Variants in LINGO2 observed in about 807,000 individuals in gnomAD.
LINGO2 encodes the protein leucine-rich repeat and immunoglobulin-like domain-containing nogo receptor-interacting protein 2.
Under a neutral mutation model 30.6 loss-of-function variants are expected in LINGO2, and 14 were observed. The observed-to-expected ratio is 0.46, with a 90% confidence interval of 0.30 to 0.72. The LOEUF is 0.72. Among genes scored for constraint, LINGO2 ranks in the 30% least tolerant of loss-of-function variants. The pLI, the probability that LINGO2 is intolerant of heterozygous loss-of-function variation, is 0.07. For missense variants in LINGO2, 729 were observed against 751.7 expected, an observed-to-expected ratio of 0.97 and a Z score of 0.35; for synonymous variants, 317 against 288.5, an observed-to-expected ratio of 1.10 and a Z score of -1.00.
intron 4 of LINGO2, among the ~76,000 whole-genome samples, chr9:28,029,692 A>C (rs1823568087): frequency 6.6e-6 from 1 of 152,026 alleles, no homozygotes; most frequent in South Asian, 2.1e-4. Context: ...AATTAGTCAA[A>C]ACTAATATGT....
the LINGO2 span, among the ~76,000 whole-genome samples, chr9:28,927,770 A>G: frequency 1.3e-5 from 2 of 152,198 alleles, no homozygotes; most frequent in Admixed American, 6.5e-5. Flanking sequence ...ATATATGTTA[A>G]TTCATTTCTT....
Position 28,491,613 on chromosome 9 carries a change from A to T in LINGO2, c.-364-15588T>A, listed in dbSNP as rs1458647718. 2.0e-5 allele frequency among the ~76,000 whole-genome samples: 3 copies of T among 152,216 alleles called. 1 individual carries two copies. The highest frequency in any genetic ancestry group is 7.2e-5 in the African/African-American group (3 of 41,478). On this transcript the variant is annotated intron_variant, in intron 1 of 5. Transcript: ENST00000379992. The stretch of plus-strand genomic sequence containing the variant: ...TATGTTTTTGTATTAACTTTAAAAT[A>T]AAATTAAACCTAATTAAACATTTAA...
At chr9:28,349,753 G>C (rs1424796489) in intron 3 of LINGO2, among the ~76,000 whole-genome samples, 9 of 150,150 alleles carry the variant, frequency 6.0e-5, no homozygotes, top group Non-Finnish European at 8.9e-5. Flanking sequence ...CAGAGAGAAA[G>C]GTCGGGTTAC....
intron 4 of LINGO2, among the ~76,000 whole-genome samples, chr9:28,201,618 G>A (rs1237090232): frequency 1.3e-5 from 2 of 151,076 alleles, no homozygotes; most frequent in Non-Finnish European, 3.0e-5. Context: ...TGGGTCAAAT[G>A]GTATTTCTAG....
At chr9:28,912,566 T>A in the LINGO2 span, among the ~76,000 whole-genome samples, 136,297 of 152,134 alleles carry the variant, frequency 0.9, 61,343 homozygotes, top group Non-Finnish European at 0.94. Context: ...AGTGGAAATC[T>A]ACATCCACTA....
the LINGO2 span, among the ~76,000 whole-genome samples, chr9:28,932,001 G>A: frequency 6.6e-6 from 1 of 151,780 alleles, no homozygotes; most frequent in Admixed American, 6.6e-5. Flanking sequence ...CCAGCAGCTA[G>A]GGAGGCTGAG....
intron 4 of LINGO2, among the ~76,000 whole-genome samples, chr9:28,285,627 G>A (rs558299091): frequency 4.6e-5 from 7 of 151,826 alleles, no homozygotes; most frequent in South Asian, 2.1e-4. Flanking sequence ...GGATGGTCTC[G>A]ATCTCCTGAC....
chr9:29,093,421 A>C, the LINGO2 span, among the ~76,000 whole-genome samples: 4 of 134,100 alleles, frequency 3.0e-5, 1 homozygote, highest in Non-Finnish European at 4.8e-5. Flanking sequence ...ATAACAAGAT[A>C]TATATAACAT....
chr9:28,718,785 C>A, the LINGO2 span, among the ~76,000 whole-genome samples: 1 of 151,994 alleles, frequency 6.6e-6, no homozygotes, highest in African/African-American at 2.4e-5. Flanking sequence ...AATGTGTGAA[C>A]AAATGAGCCC....
chr9:28,005,928 G>T (rs115055353), intron 5 of LINGO2, among the ~76,000 whole-genome samples: 42 of 152,142 alleles, frequency 2.8e-4, no homozygotes, highest in African/African-American at 9.6e-4. Context: ...GCCATTAATG[G>T]ATTCAGAGCA....
In LINGO2 at chr9:28,540,508, G is replaced by A. The variant is rs141284346; in HGVS notation, c.-364-64483C>T. On this transcript the variant is annotated intron_variant, in intron 1 of 5. Transcript: ENST00000379992. Reference sequence around the variant, plus strand: ...AATTCCTGACTTCAAGGTATCCACCGGTTTCAGCTTCCCAAAGTGCTGGGA... The same window carrying A: ...AATTCCTGACTTCAAGGTATCCACCAGTTTCAGCTTCCCAAAGTGCTGGGA... Among the ~76,000 whole-genome samples the A allele has an allele frequency of 1.2e-3, 183 of 152,088 alleles. No individual in the cohort carries two copies. The East Asian group carries it at 0.016, about 14-fold the overall frequency.
the LINGO2 span, among the ~76,000 whole-genome samples, chr9:29,064,846 T>C: frequency 2.0e-5 from 3 of 152,024 alleles, no homozygotes; most frequent in East Asian, 3.9e-4. Context: ...TTTTTCACTG[T>C]TTTAATTTAT....
intron 5 of LINGO2, among the ~76,000 whole-genome samples, chr9:27,961,500 A>G (rs572356898): frequency 5.9e-5 from 9 of 152,300 alleles, no homozygotes; most frequent in African/African-American, 1.9e-4. Flanking sequence ...AATGGTTGGA[A>G]CAAAAACTGA....
rs749766602 is a variant in LINGO2 at position 28,559,857 on chromosome 9, G to A, written c.-364-83832C>T. 7.0e-4 allele frequency among the ~76,000 whole-genome samples: 107 copies of A among 151,958 alleles called. 2 individuals are homozygous for A. The highest frequency in any genetic ancestry group is 1.9e-4 in the Non-Finnish European group (13 of 68,002). On this transcript the variant is annotated intron_variant, in intron 1 of 5. Coordinates refer to ENST00000379992, the Ensembl canonical transcript of LINGO2. Reference sequence around the variant, plus strand: ...AGTTTAGTGTACCTCAACTGGATCTGAGGCTGGAATCTAGGAAAAACAGAG... The same window carrying A: ...AGTTTAGTGTACCTCAACTGGATCTAAGGCTGGAATCTAGGAAAAACAGAG...
chr9:28,189,681 AAGGGAGGAAGGAAGGG>A (rs1819737185), intron 4 of LINGO2, among the ~76,000 whole-genome samples: 1 of 14,794 alleles, frequency 6.8e-5, no homozygotes, highest in African/African-American at 1.5e-4. Flanking sequence ...GGAAGGAAGG[AAGGGAGGAAGGAAGGG>A]AGGGAGGAAG....
chr9:29,063,162 G>T, the LINGO2 span, among the ~76,000 whole-genome samples: 1 of 127,922 alleles, frequency 7.8e-6, no homozygotes, highest in African/African-American at 2.8e-5. Flanking sequence ...AGGACATTTA[G>T]TCCTCTGGGA....
chr9:28,023,817 C>T (rs1478784848), intron 4 of LINGO2, among the ~76,000 whole-genome samples: 1 of 152,094 alleles, frequency 6.6e-6, no homozygotes, highest in Admixed American at 6.5e-5. Flanking sequence ...ATAAAACTTA[C>T]CAAAGTATGG....
chr9:28,172,769 C>T (rs769791029), intron 4 of LINGO2, among the ~76,000 whole-genome samples: 12 of 151,998 alleles, frequency 7.9e-5, no homozygotes, highest in Non-Finnish European at 1.6e-4. Flanking sequence ...TTCTAGTTCT[C>T]TTCTCGTTTT....
At chr9:28,830,829 ACACACGTGTGCATGGTATATACATG>A in the LINGO2 span, among the ~76,000 whole-genome samples, 2 of 147,860 alleles carry the variant, frequency 1.4e-5, no homozygotes, top group Non-Finnish European at 2.9e-5. Context: ...GCACATGCAC[ACACACGTGTGCATGGTATATACATG>A]CACACATGCA....
Sources: allele counts gnomAD v4.1 joint callset (sites outside exome capture counted in the v4.1 genomes callset), GRCh38; gene constraint gnomAD v4.1.1; transcripts MANE v1.5; gene names NCBI Gene and HGNC (gene_info 2026-07-23, HGNC 2026-07-21).